TAFA4: variants seen among roughly 807,000 people sequenced by gnomAD.
TAFA4 encodes the protein TAFA chemokine like family member 4, also known as chemokine-like protein TAFA-4.
Under a neutral mutation model 21.1 loss-of-function variants are expected in TAFA4, and 20 were observed. The observed-to-expected ratio is 0.95, with a 90% CI of 0.67 to 1.38. The LOEUF is 1.38. TAFA4 is among the 40% of genes most tolerant of loss of function. The pLI is 0.00. For missense variants in TAFA4, 211 were observed against 180.9 expected (o/e 1.17, Z -0.95); for synonymous variants, 71 against 67.4 (o/e 1.05, Z -0.26).
chr3:68,738,596 G>A (rs914896320), intron 5 of TAFA4, among the ~76,000 whole-genome samples: 3 of 152,176 alleles, frequency 2.0e-5, no homozygotes, highest in Non-Finnish European at 2.9e-5. Flanking sequence ...TGGAGGACTG[G>A]GTAGACAATG....
chr3:68,784,645 ATT>A (rs1703215623), intron 3 of TAFA4, among the ~76,000 whole-genome samples: 1 of 152,202 alleles, frequency 6.6e-6, no homozygotes, highest in Non-Finnish European at 1.5e-5. Flanking sequence ...CAGCAGCAAG[ATT>A]TATTGCAAAG....
chr3:68,741,404 A>G (rs930549769), intron 4 of TAFA4, among the ~76,000 whole-genome samples: 10 of 152,050 alleles, frequency 6.6e-5, no homozygotes, highest in Admixed American at 6.6e-4. Flanking sequence ...TGCTTCCTTA[A>G]TTTCTTGGAT....
chr3:68,899,522 T>C (rs2089824286), intron 1 of TAFA4, among the ~76,000 whole-genome samples: 1 of 152,112 alleles, frequency 6.6e-6, no homozygotes, highest in Admixed American at 6.6e-5. Flanking sequence ...CTATTCAGGA[T>C]CTAAAAAAGC....
In TAFA4 at chr3:68,814,713, A is replaced by G. The variant is rs546859209; in HGVS notation, c.131-61695T>C. Among the ~76,000 whole-genome samples, 357 of 152,316 alleles carry G rather than the reference A, an allele frequency of 2.3e-3. 3 individuals are homozygous for G. The highest frequency in any genetic ancestry group is 8.3e-3 in the African/African-American group (346 of 41,580). ...TCCATGCTCATGGGTAGGAAGAATC[A>G]GTATCGTGAAAATGGCCATACTGCC... On this transcript the variant is annotated intron_variant, in intron 3 of 5. Coordinates refer to ENST00000295569, the MANE Select transcript of TAFA4 (RefSeq NM_182522.5).
intron 3 of TAFA4, among the ~76,000 whole-genome samples, chr3:68,812,340 T>TA (rs1396949705): frequency 1.3e-5 from 2 of 152,144 alleles, no homozygotes; most frequent in African/African-American, 4.8e-5. Context: ...ACCTTAAATG[T>TA]AAGTGGGCTA....
At chr3:68,800,858 G>A (rs927237471) in intron 3 of TAFA4, among the ~76,000 whole-genome samples, 1 of 152,172 alleles carries the variant, frequency 6.6e-6, no homozygotes, top group Non-Finnish European at 1.5e-5. Flanking sequence ...AACAAGACAG[G>A]GAACTGAAAA....
intron 1 of TAFA4, among the ~76,000 whole-genome samples, chr3:68,903,979 T>G (rs969196160): frequency 1.3e-5 from 2 of 151,512 alleles, no homozygotes; most frequent in African/African-American, 4.9e-5. Context: ...GAAAGAAAAC[T>G]GACAGATGAT....
chr3:68,786,109 A>C, intron 3 of TAFA4, among the ~76,000 whole-genome samples: 1 of 152,222 alleles, frequency 6.6e-6, no homozygotes, highest in Non-Finnish European at 1.5e-5. Flanking sequence ...AAATTAATAA[A>C]GCAAATTGCT....
intron 4 of TAFA4, among the ~76,000 whole-genome samples, chr3:68,747,054 T>A (rs1173376650): frequency 6.6e-6 from 1 of 152,176 alleles, no homozygotes; most frequent in South Asian, 2.1e-4. Context: ...GAAACTGATC[T>A]ACAGTTTGAA....
chr3:68,872,503 ATAGTT>A (rs1279539411), intron 3 of TAFA4, among the ~76,000 whole-genome samples: 2 of 152,082 alleles, frequency 1.3e-5, no homozygotes, highest in African/African-American at 4.8e-5. Flanking sequence ...TACGGTAACT[ATAGTT>A]AACAATAATT....
At chr3:68,738,851 C>G (rs930585882) in intron 5 of TAFA4, among the ~76,000 whole-genome samples, 1 of 152,156 alleles carries the variant, frequency 6.6e-6, no homozygotes, top group Admixed American at 6.5e-5. Context: ...GTAGCCCTGC[C>G]TAAAATAATG....
chr3:68,900,289 T>TAATAAC (rs2089833529), intron 1 of TAFA4, among the ~76,000 whole-genome samples: 2 of 81,960 alleles, frequency 2.4e-5, no homozygotes, highest in Non-Finnish European at 5.1e-5. Context: ...ATAACAATAA[T>TAATAAC]AATAATAATA....
intron 1 of TAFA4, 21 bp from the exon 2 acceptor site, chr3:68,885,331 A>C (rs1291189606): frequency 6.3e-6 from 4 of 634,672 alleles, no homozygotes; most frequent in Admixed American, 3.1e-5. Flanking sequence ...AAGGCCAAAA[A>C]AAAAAAAGGA....
chr3:68,866,934 A>T (rs1373690239), intron 3 of TAFA4, among the ~76,000 whole-genome samples: 3 of 151,966 alleles, frequency 2.0e-5, no homozygotes, highest in African/African-American at 7.3e-5. Context: ...ATGAGGAATT[A>T]CCTCGAAAGA....
intron 3 of TAFA4, among the ~76,000 whole-genome samples, chr3:68,803,184 G>A (rs984471975): frequency 1.3e-4 from 20 of 152,142 alleles, no homozygotes; most frequent in African/African-American, 4.6e-4. Flanking sequence ...AAATACATGT[G>A]AGAGCCATCT....
rs145187037 is a variant in TAFA4, at chr3:68,905,150, C to CTTTTTTTTT, written c.-122-19849_-122-19841dup. 2.8e-4 allele frequency among the ~76,000 whole-genome samples: 24 copies of CTTTTTTTTT among 85,254 alleles called. 1 individual carries two copies. Among genetic ancestry groups the CTTTTTTTTT allele is most frequent in the African/African-American group, 1.1e-3 (23 of 21,342 alleles). The allele number at this position is 85,254 out of a possible 152,430, so 55.9% of individuals were successfully genotyped here. On this transcript the variant is annotated intron_variant, in intron 1 of 5. Coordinates refer to ENST00000295569, the MANE Select transcript of TAFA4 (RefSeq NM_182522.5). ...TGACCAAGCCAGGCAAGATTTCTGC[C>CTTTTTTTTT]TTTTTTTTTTTTTTTTTTTTTTTGT...
intron 3 of TAFA4, among the ~76,000 whole-genome samples, chr3:68,823,041 A>G (rs959560381): frequency 6.6e-6 from 1 of 152,110 alleles, no homozygotes; most frequent in Non-Finnish European, 1.5e-5. Context: ...ACCCCTAATG[A>G]TTTATAGAAT....
chr3:68,784,454 A>AGCTG (rs1308379401), intron 3 of TAFA4, among the ~76,000 whole-genome samples: 1 of 151,938 alleles, frequency 6.6e-6, no homozygotes, highest in African/African-American at 2.4e-5. Flanking sequence ...TCAGGGGTAA[A>AGCTG]GCTGGCTCAG....
At chr3:68,764,301 GCC>G (rs1416635231) in intron 3 of TAFA4, among the ~76,000 whole-genome samples, 2 of 152,056 alleles carry the variant, frequency 1.3e-5, no homozygotes, top group African/African-American at 4.8e-5. Context: ...TAGGAAGAGA[GCC>G]CCCACCAGAA....
Sources: allele counts gnomAD v4.1 joint callset (sites outside exome capture counted in the v4.1 genomes callset), GRCh38; gene constraint gnomAD v4.1.1; transcripts MANE v1.5; gene names NCBI Gene and HGNC (gene_info 2026-07-23, HGNC 2026-07-21).